Variants in SYT1 observed in about 807,000 individuals in gnomAD.
SYT1 encodes the protein synaptotagmin 1.
SYT1 carries 8 observed loss-of-function variants against 44.8 expected under a neutral mutation model. The ratio of observed to expected loss-of-function variants is 0.18; its 90% CI spans 0.10 to 0.32. The LOEUF is 0.32. Ranked by LOEUF, SYT1 falls within the 10% of genes least tolerant of loss-of-function variation. SYT1 has a pLI of 1.00. For synonymous variants in SYT1, 154 were observed against 188.8 expected (o/e 0.82, Z 1.51); for missense variants, 286 against 509.3 (o/e 0.56, Z 4.22).
At chr12:79,176,011 C>T (rs1315039764) in intron 3 of SYT1, among the ~76,000 whole-genome samples, 1 of 152,044 alleles carries the variant, frequency 6.6e-6, no homozygotes, top group Admixed American at 6.6e-5. Context: ...ACAGAGCGGG[C>T]CGGGTGTGGA....
chr12:79,438,371 C>T (rs1263489086), intron 9 of SYT1, among the ~76,000 whole-genome samples: 2 of 152,078 alleles, frequency 1.3e-5, no homozygotes, highest in African/African-American at 2.4e-5. Context: ...GTTCATGCCA[C>T]CTAGAGCTAG....
intron 3 of SYT1, among the ~76,000 whole-genome samples, chr12:79,133,949 T>C (rs988949992): frequency 4.6e-5 from 7 of 152,212 alleles, no homozygotes; most frequent in Non-Finnish European, 8.8e-5. Flanking sequence ...TCTGTGTCCA[T>C]AGATTGCAGG....
chr12:79,143,044 A>G (rs1208233376), intron 3 of SYT1, among the ~76,000 whole-genome samples: 1 of 152,228 alleles, frequency 6.6e-6, no homozygotes, highest in South Asian at 2.1e-4. Context: ...TTGTGGGTCT[A>G]TGATTCTAAG....
At chr12:78,886,310 A>C (rs539245999) in intron 1 of SYT1, among the ~76,000 whole-genome samples, 1 of 152,124 alleles carries the variant, frequency 6.6e-6, no homozygotes, top group South Asian at 2.1e-4. Flanking sequence ...CCTCCTCAAA[A>C]TTCCTGGATT....
intron 9 of SYT1, among the ~76,000 whole-genome samples, chr12:79,425,365 A>G (rs760318680): frequency 1.3e-5 from 2 of 152,118 alleles, no homozygotes; most frequent in Non-Finnish European, 2.9e-5. Context: ...TTGTCTGTTC[A>G]TGTTCACAAT....
intron 8 of SYT1, among the ~76,000 whole-genome samples, chr12:79,305,948 C>T (rs1363655043): frequency 1.3e-5 from 2 of 152,192 alleles, no homozygotes; most frequent in South Asian, 2.1e-4. Flanking sequence ...CCACCCACCT[C>T]GGCCTCCCAA....
chr12:79,205,656 C>A (rs970083644), intron 3 of SYT1, among the ~76,000 whole-genome samples: 1 of 152,078 alleles, frequency 6.6e-6, no homozygotes, highest in African/African-American at 2.4e-5. Flanking sequence ...TTTAGTAATT[C>A]AGTACTTGAA....
intron 2 of SYT1, among the ~76,000 whole-genome samples, chr12:79,046,002 A>G (rs996066267): frequency 3.3e-5 from 5 of 152,150 alleles, no homozygotes; most frequent in Non-Finnish European, 5.9e-5. Flanking sequence ...TTAATAAAAA[A>G]GAAGTGTCCG....
intron 4 of SYT1, among the ~76,000 whole-genome samples, chr12:79,261,638 C>G (rs2138730920): frequency 6.6e-6 from 1 of 152,178 alleles, no homozygotes; most frequent in East Asian, 1.9e-4. Flanking sequence ...AATTTTAGAA[C>G]AGAATTTGAT....
rs761523192 is a variant in SYT1, at chr12:79,421,473, T to TGCTA, written c.929-22597_929-22594dup. On this transcript the variant is annotated intron_variant, in intron 9 of 10. Coordinates refer to ENST00000261205, the MANE Select transcript of SYT1 (RefSeq NM_005639.3). ...GTTCAAAGGTCACACTTTGGAAAAA[T>TGCTA]GCTAGCATAGCTATTCTAAAGGTGG... Among the ~76,000 whole-genome samples, 281 of 152,236 alleles carry TGCTA rather than the reference T, an allele frequency of 1.8e-3. 1 individual carries two copies. Among genetic ancestry groups the TGCTA allele is most frequent in the Non-Finnish European group, 3.2e-3 (221 of 68,000 alleles).
At chr12:78,871,503 GA>G (rs1205020487) in intron 1 of SYT1, among the ~76,000 whole-genome samples, 2 of 151,956 alleles carry the variant, frequency 1.3e-5, no homozygotes, top group East Asian at 3.9e-4. Context: ...TAGCTCCTAT[GA>G]AATACGGAAA....
chr12:78,948,405 TCA>T (rs1170616761), intron 1 of SYT1, among the ~76,000 whole-genome samples: 1 of 152,006 alleles, frequency 6.6e-6, no homozygotes, highest in Non-Finnish European at 1.5e-5. Context: ...TTAATGATGC[TCA>T]CACTATTTAG....
At chr12:79,175,870 C>G (rs895323358) in intron 3 of SYT1, among the ~76,000 whole-genome samples, 21 of 151,996 alleles carry the variant, frequency 1.4e-4, no homozygotes, top group Non-Finnish European at 8.8e-5. Flanking sequence ...GGGGTAGCAT[C>G]CCCACAGTCA....
In SYT1 at chr12:79,449,104, A is replaced by G; in HGVS notation, c.1249A>G (p.Met417Val). 1.9e-6 allele frequency: 3 copies of G among 1,612,858 alleles called. No homozygotes were observed. Among genetic ancestry groups the G allele is most frequent in the South Asian group, 2.2e-5 (2 of 90,934 alleles). ...TLQVEEEVDA[M>V]LAVKK Reference sequence around the variant, plus strand: ...GCAGGTAGAGGAGGAAGTTGATGCCATGCTGGCCGTCAAGAAGTAAAGGAA... The same window carrying G: ...GCAGGTAGAGGAGGAAGTTGATGCCGTGCTGGCCGTCAAGAAGTAAAGGAA... The change falls in exon 11 of 11, where the codon ATG (methionine) becomes GTG (valine). Residue 417 changes from methionine (M) to valine (V), a missense_variant. By Grantham distance (21) the Met-to-Val change is conservative. Transcript: ENST00000261205.
intron 3 of SYT1, among the ~76,000 whole-genome samples, chr12:79,157,004 G>A (rs1870639566): frequency 6.6e-6 from 1 of 152,118 alleles, no homozygotes. Flanking sequence ...GAGACAGACT[G>A]ATGGGGAGGA....
In SYT1 at chr12:79,110,007, T is replaced by C. The variant is rs527486776; in HGVS notation, c.-18+62645T>C. 2.0e-5 allele frequency among the ~76,000 whole-genome samples: 3 copies of C among 152,370 alleles called. No individual in the cohort carries two copies. The East Asian group carries it at 5.8e-4, about 29-fold the overall frequency. ...ATGATTCAAAATGTAGTGAACACTT[T>C]GCAAACAAGTATTTTTTAGCATCTT... On this transcript the variant is annotated intron_variant, in intron 3 of 10. Transcript: ENST00000261205.
intron 9 of SYT1, among the ~76,000 whole-genome samples, chr12:79,403,874 T>C (rs1490102832): frequency 6.6e-6 from 1 of 152,170 alleles, no homozygotes; most frequent in Non-Finnish European, 1.5e-5. Context: ...GTGGTTCCAA[T>C]GAAGGCTAAA....
intron 9 of SYT1, among the ~76,000 whole-genome samples, chr12:79,356,687 C>G (rs1462220231): frequency 6.6e-6 from 1 of 152,182 alleles, no homozygotes; most frequent in African/African-American, 2.4e-5. Context: ...TAAACTCCAT[C>G]TGCCACTAAC....
chr12:79,252,123 G>A (rs1055336631), intron 4 of SYT1, among the ~76,000 whole-genome samples: 2 of 151,914 alleles, frequency 1.3e-5, no homozygotes, highest in African/African-American at 2.4e-5. Flanking sequence ...ACAGCTACAC[G>A]GCCTAAGTTT....
Sources: allele counts gnomAD v4.1 joint callset (sites outside exome capture counted in the v4.1 genomes callset), GRCh38; gene constraint gnomAD v4.1.1; transcripts MANE v1.5; gene names NCBI Gene and HGNC (gene_info 2026-07-23, HGNC 2026-07-21).